Variants in ANKRD44 observed in about 807,000 individuals in gnomAD.
ANKRD44 encodes serine/threonine-protein phosphatase 6 regulatory ankyrin repeat subunit B.
Under a neutral mutation model 116.0 loss-of-function variants are expected in ANKRD44, and 35 were observed. The ratio of observed to expected loss-of-function variants is 0.30; its 90% CI spans 0.23 to 0.40. ANKRD44 has a LOEUF of 0.40. ANKRD44 is among the 10% of genes least tolerant of loss of function. The pLI is 1.00. For missense variants in ANKRD44, 1,014 were observed against 1,242.6 expected (o/e 0.82, Z 2.77); for synonymous variants, 435 against 461.8 (o/e 0.94, Z 0.74).
At chr2:197,050,449 G>A (rs1291349899) in intron 16 of ANKRD44, among the ~76,000 whole-genome samples, 1 of 151,178 alleles carries the variant, frequency 6.6e-6, no homozygotes, top group African/African-American at 2.4e-5. Flanking sequence ...TTGAGGCAGA[G>A]TCTCATTCTG....
intron 2 of ANKRD44, among the ~76,000 whole-genome samples, chr2:197,162,514 T>C (rs997128756): frequency 6.6e-6 from 1 of 152,188 alleles, no homozygotes; most frequent in African/African-American, 2.4e-5. Flanking sequence ...TGCTTTGAAA[T>C]ACGGCACAAA....
At chr2:197,071,294 G>C (rs2077553597) in intron 16 of ANKRD44, among the ~76,000 whole-genome samples, 1 of 152,062 alleles carries the variant, frequency 6.6e-6, no homozygotes, top group Admixed American at 6.5e-5. Flanking sequence ...TTAGATTACT[G>C]ACTTGAGACT....
intron 21 of ANKRD44, among the ~76,000 whole-genome samples, chr2:197,004,140 T>C (rs1233058892): frequency 2.0e-5 from 3 of 152,210 alleles, no homozygotes; most frequent in African/African-American, 7.2e-5. Context: ...AGGAGACCTT[T>C]TGAAGAGAGA....
At chr2:197,143,204 T>TTTA (rs2079412752) in intron 3 of ANKRD44, among the ~76,000 whole-genome samples, 1 of 149,842 alleles carries the variant, frequency 6.7e-6, no homozygotes, top group South Asian at 2.1e-4. Context: ...ATTTTTTTAT[T>TTTA]TTATTATTAT....
chr2:197,028,782 C>T (rs1401992889), intron 16 of ANKRD44: 8 of 210,970 alleles, frequency 3.8e-5, no homozygotes, highest in African/African-American at 7.1e-5. Context: ...GCTGTTTTCT[C>T]GGTAGTGCTG....
intron 4 of ANKRD44, among the ~76,000 whole-genome samples, chr2:197,128,942 G>C (rs969331299): frequency 2.6e-5 from 4 of 151,936 alleles, no homozygotes; most frequent in South Asian, 2.1e-4. Flanking sequence ...ATAATAAAAT[G>C]AAATAAAAAT....
In ANKRD44 at chr2:197,013,643, C is replaced by T. The variant is rs781676708; in HGVS notation, c.1792G>A (p.Glu598Lys). The T allele has an allele frequency of 3.1e-6, 5 of 1,614,124 alleles. No homozygotes were observed. The highest frequency in any genetic ancestry group is 4.2e-6 in the Non-Finnish European group (5 of 1,180,038). ...AGATCCAGAGCAGTGCGGCCTTTCT[C>T]ATCCCTGATGTCCAGGTCCACCAAC... ...QSLVDLDIRD[E>K]KGRTALDLAA... Residue 598 changes from glutamate (E) to lysine (K), a missense_variant, in exon 18 of 28, where the codon GAG becomes AAG. By Grantham distance (56) the Glu-to-Lys change is moderately conservative. Coordinates refer to ENST00000282272, the MANE Select transcript of ANKRD44 (RefSeq NM_001195144.2).
At chr2:197,206,271 C>CA in intron 1 of ANKRD44, among the ~76,000 whole-genome samples, 1 of 152,290 alleles carries the variant, frequency 6.6e-6, no homozygotes, top group East Asian at 1.9e-4. Context: ...TATGTGCTGG[C>CA]CATTCTGCCT....
intron 2 of ANKRD44, among the ~76,000 whole-genome samples, chr2:197,163,611 C>T (rs2080023503): frequency 6.6e-6 from 1 of 152,190 alleles, no homozygotes; most frequent in African/African-American, 2.4e-5. Flanking sequence ...AAGAAGTGGG[C>T]TGGTGATCTT....
downstream of ANKRD44, among the ~76,000 whole-genome samples, chr2:196,981,872 A>G (rs2075803169): frequency 6.6e-6 from 1 of 151,844 alleles, no homozygotes; most frequent in Non-Finnish European, 1.5e-5. Context: ...CCCAGAAGCA[A>G]TTGAGACAAT....
chr2:197,252,493 G>A lies in ANKRD44; in HGVS notation c.27+58085C>T, dbSNP rs141428554. Among the ~76,000 whole-genome samples the A allele has an allele frequency of 6.2e-3, 938 of 152,036 alleles. 10 individuals are homozygous for A. The highest frequency in any genetic ancestry group is 0.021 in the African/African-American group (851 of 41,466). ...GCGATCTCGGCTCACTGCAAGCTCCGCCTCCCGGGTTCACGCCACTCTCCT... is the reference window on the plus strand; with the variant it reads ...GCGATCTCGGCTCACTGCAAGCTCCACCTCCCGGGTTCACGCCACTCTCCT... On this transcript the variant is annotated intron_variant, in intron 1 of 27. Coordinates refer to ENST00000282272, the MANE Select transcript of ANKRD44 (RefSeq NM_001195144.2).
At chr2:196,971,360 T>C (rs1228509374) in intron 21 of ANKRD44, among the ~76,000 whole-genome samples, 1 of 152,160 alleles carries the variant, frequency 6.6e-6, no homozygotes, top group Non-Finnish European at 1.5e-5. Flanking sequence ...ATTATTTTTA[T>C]TATTATTATT....
chr2:197,103,394 A>G (rs1451339837), intron 9 of ANKRD44, among the ~76,000 whole-genome samples: 1 of 151,844 alleles, frequency 6.6e-6, no homozygotes, highest in Non-Finnish European at 1.5e-5. Flanking sequence ...ATCCTTTTGG[A>G]GTTTATCTTG....
intron 2 of ANKRD44, among the ~76,000 whole-genome samples, chr2:197,162,655 C>A (rs1182121102): frequency 6.6e-6 from 1 of 152,192 alleles, no homozygotes; most frequent in South Asian, 2.1e-4. Context: ...GCTCAAGTGT[C>A]CTTTCCTCTG....
At position 197,081,701 on chromosome 2, in the gene ANKRD44, A is replaced by T; in HGVS notation, c.1482T>A (p.His494Gln). Residue 494 changes from histidine to glutamine, a missense_variant, in exon 15 of 28, where the codon CAT becomes CAA. Physicochemically the swap from His to Gln is conservative, Grantham distance 24 (BLOSUM62 0). Coordinates refer to ENST00000282272, the MANE Select transcript of ANKRD44 (RefSeq NM_001195144.2). ...CTCTTTCAAGTTCTTCTGAATTATC[A>T]TGGGCATTTCCTAAGATAGTCTTAC... ...DRNKTILGNA[H>Q]DNSEELERAR... 1 of 1,613,922 alleles carries T rather than the reference A, an allele frequency of 6.2e-7. No individual in the cohort carries two copies. The highest frequency in any genetic ancestry group is 2.2e-5 in the East Asian group (1 of 44,872).
At chr2:197,045,373 C>A (rs1179987272) in intron 16 of ANKRD44, among the ~76,000 whole-genome samples, 1 of 152,176 alleles carries the variant, frequency 6.6e-6, no homozygotes, top group Non-Finnish European at 1.5e-5. Context: ...CAACCACTAA[C>A]AGTAGAGACT....
At chr2:197,074,374 G>A (rs898485281) in intron 16 of ANKRD44, among the ~76,000 whole-genome samples, 3 of 142,614 alleles carry the variant, frequency 2.1e-5, no homozygotes, top group African/African-American at 7.8e-5. Context: ...TCATTTTCTT[G>A]TCCTTAGATG....
At chr2:197,145,011 G>A (rs1476454150) in intron 3 of ANKRD44, among the ~76,000 whole-genome samples, 1 of 152,174 alleles carries the variant, frequency 6.6e-6, no homozygotes, top group African/African-American at 2.4e-5. Context: ...AGGTGGGTGG[G>A]CTGGGCACGG....
chr2:197,216,235 T>A (rs1453119087), intron 1 of ANKRD44, among the ~76,000 whole-genome samples: 1 of 152,198 alleles, frequency 6.6e-6, no homozygotes, highest in African/African-American at 2.4e-5. Context: ...AATGTGGAAG[T>A]AATATGTAAG....
Sources: gnomAD v4.1 joint callset for allele counts (sites outside exome capture counted in the v4.1 genomes callset) on GRCh38, gnomAD v4.1.1 for gene constraint, MANE v1.5 for transcripts, NCBI Gene and HGNC (gene_info 2026-07-23, HGNC 2026-07-21) for gene names.